Variants in ZNF331 observed in about 807,000 individuals in gnomAD.
ZNF331 encodes the protein C2H2-like zinc finger protein rearranged in thyroid adenomas.
ZNF331 carries 2 observed loss-of-function variants against 7.0 expected under a neutral mutation model. The ratio of observed to expected loss-of-function variants is 0.29; its 90% CI spans 0.12 to 0.90. The LOEUF is 0.90. ZNF331 is among the 40% of genes least tolerant of loss of function. ZNF331 has a pLI of 0.58. For missense variants in ZNF331, 432 were observed against 587.7 expected (o/e 0.74, Z 2.74); for synonymous variants, 196 against 205.4 (o/e 0.95, Z 0.39).
In ZNF331 at chr19:53,571,334, TG is replaced by T. The variant is rs2090435673; in HGVS notation, c.10-268del. Among the ~76,000 whole-genome samples the T allele has an allele frequency of 6.6e-6, 1 of 152,182 alleles. No homozygotes were observed. The highest frequency in any genetic ancestry group is 2.1e-4 in the South Asian group (1 of 4,832). The stretch of plus-strand genomic sequence containing the variant: ...ACTGCTTGTAAGCAAGAAGAAAACT[TG>T]GATTGTTTTATCCACTTCCTGGCAG... On this transcript the variant is annotated intron_variant, in intron 4 of 5. Coordinates refer to ENST00000449416, the MANE Select transcript of ZNF331 (RefSeq NM_001079906.2). The surrounding 1 kb of genome is among the most constrained non-coding windows in gnomAD (Gnocchi z 4.7).
chr19:53,517,298 G>A (rs1337742384), upstream of ZNF331, among the ~76,000 whole-genome samples: 2 of 152,126 alleles, frequency 1.3e-5, no homozygotes, highest in African/African-American at 2.4e-5. Flanking sequence ...ATTTCATGGG[G>A]CACTTTGCCA....
At chr19:53,506,426 CTCTCTCTCTCTCTCTCTG>C in the ZNF331 span, among the ~76,000 whole-genome samples, 5 of 95,082 alleles carry the variant, frequency 5.3e-5, no homozygotes, top group Non-Finnish European at 1.0e-4. Context: ...CTCTCTCTCT[CTCTCTCTCTCTCTCTCTG>C]TCTCTCTCTC....
intron 2 of ZNF331, among the ~76,000 whole-genome samples, chr19:53,547,082 T>C (rs1230681796): frequency 6.6e-6 from 1 of 152,206 alleles, no homozygotes; most frequent in African/African-American, 2.4e-5. Context: ...ATATTTGCAA[T>C]GAGAACATTT....
At chr19:53,547,581 A>C (rs2088697204) in intron 2 of ZNF331, among the ~76,000 whole-genome samples, 1 of 152,148 alleles carries the variant, frequency 6.6e-6, no homozygotes, top group African/African-American at 2.4e-5. Context: ...TGATAGTTTT[A>C]GTTTTTTCAG....
At chr19:53,515,899 T>G (rs1218827001), upstream of ZNF331, among the ~76,000 whole-genome samples, 1 of 152,170 alleles carries the variant, frequency 6.6e-6, no homozygotes, top group Non-Finnish European at 1.5e-5. Context: ...CAACCTAAAT[T>G]TCCTTCAAAG....
At chr19:53,572,250 G>A (rs2090478928) in intron 5 of ZNF331, among the ~76,000 whole-genome samples, 1 of 152,020 alleles carries the variant, frequency 6.6e-6, no homozygotes, top group African/African-American at 2.4e-5. Flanking sequence ...TACAATCCCC[G>A]AACTGTGAGT....
chr19:53,566,997 G>A (rs558360583), intron 3 of ZNF331, among the ~76,000 whole-genome samples: 10 of 151,776 alleles, frequency 6.6e-5, no homozygotes, highest in Admixed American at 2.6e-4. Context: ...AGACAGATGC[G>A]TGTGTGTGTG....
chr19:53,550,859 C>CT (rs1219494888), intron 2 of ZNF331, among the ~76,000 whole-genome samples: 25 of 91,824 alleles, frequency 2.7e-4, no homozygotes, highest in East Asian at 1.1e-3. Flanking sequence ...TTTTTTTTTT[C>CT]TTTTTTTTTG....
At chr19:53,532,791 A>G (rs2087591525) in intron 2 of ZNF331, among the ~76,000 whole-genome samples, 1 of 152,102 alleles carries the variant, frequency 6.6e-6, no homozygotes, top group African/African-American at 2.4e-5. Context: ...AGGTTATCCA[A>G]CTTTTTTGGC....
intron 2 of ZNF331, among the ~76,000 whole-genome samples, chr19:53,549,709 A>AT (rs1312531314): frequency 3.5e-5 from 4 of 112,888 alleles, no homozygotes; most frequent in East Asian, 5.4e-4. Flanking sequence ...AAAAAAAAAA[A>AT]TTTTTTTTTA....
upstream of ZNF331, chr19:53,537,587 T>G (rs2087813478): frequency 6.6e-6 from 1 of 152,384 alleles, no homozygotes; most frequent in Admixed American, 6.5e-5. Flanking sequence ...GGACGCGCCC[T>G]GAGGCCCCTG....
chr19:53,569,777 G>A (rs907798724), intron 4 of ZNF331, among the ~76,000 whole-genome samples: 1 of 152,040 alleles, frequency 6.6e-6, no homozygotes, highest in Non-Finnish European at 1.5e-5. Flanking sequence ...ATATTCGCCG[G>A]TCTGTCTTAG....
chr19:53,559,809 TAC>T (rs1356224539), intron 3 of ZNF331, among the ~76,000 whole-genome samples: 1 of 151,052 alleles, frequency 6.6e-6, no homozygotes, highest in East Asian at 2.0e-4. Context: ...TATACATATA[TAC>T]ACACCATAAC....
chr19:53,541,706 C>A (rs1455392778), intron 2 of ZNF331, among the ~76,000 whole-genome samples: 1 of 152,140 alleles, frequency 6.6e-6, no homozygotes, highest in Admixed American at 6.6e-5. Context: ...CTCCAAATTA[C>A]CCATAATTGT....
At chr19:53,535,061 A>G (rs2147281734), upstream of ZNF331, among the ~76,000 whole-genome samples, 1 of 150,082 alleles carries the variant, frequency 6.7e-6, no homozygotes, top group Non-Finnish European at 1.5e-5. Context: ...AGAAGCACAC[A>G]AAGAGGAAAC....
chr19:53,529,150 C>T (rs1027608812), intron 2 of ZNF331, among the ~76,000 whole-genome samples: 3 of 152,104 alleles, frequency 2.0e-5, no homozygotes, highest in African/African-American at 7.2e-5. Context: ...CGCCTATAAT[C>T]CCAGCGCTTT....
chr19:53,568,507 A>G (rs753320336), intron 3 of ZNF331, among the ~76,000 whole-genome samples: 10 of 152,170 alleles, frequency 6.6e-5, no homozygotes, highest in Non-Finnish European at 1.0e-4. Flanking sequence ...GTCAGCTGAT[A>G]CTGCGTGACC....
chr19:53,554,872 G>C (rs1211384717), intron 2 of ZNF331: 1 of 152,566 alleles, frequency 6.6e-6, no homozygotes, highest in Non-Finnish European at 1.5e-5. Flanking sequence ...TGCGTCCCCG[G>C]GACTCTGTTC....
chr19:53,561,309 A>T (rs2089868409), intron 3 of ZNF331, among the ~76,000 whole-genome samples: 1 of 142,388 alleles, frequency 7.0e-6, no homozygotes, highest in Admixed American at 7.3e-5. Context: ...TTATATTATA[A>T]TGGGATTAAT....
Sources: allele counts gnomAD v4.1 joint callset (sites outside exome capture counted in the v4.1 genomes callset), GRCh38; gene constraint gnomAD v4.1.1; non-coding constraint Gnocchi (gnomAD v3.1); transcripts MANE v1.5; gene names NCBI Gene and HGNC (gene_info 2026-07-23, HGNC 2026-07-21).